Variants in DNMT3A observed in about 807,000 individuals in gnomAD.
The protein encoded by DNMT3A is DNA methyltransferase 3 alpha.
A neutral mutation model predicts 117.6 loss-of-function variants in DNMT3A; 267 were observed. The ratio of observed to expected loss-of-function variants is 2.27; its 90% CI spans 2.05 to 2.51. The LOEUF (loss-of-function observed/expected upper bound fraction) is 2.51. DNMT3A is among the 30% of genes most tolerant of loss of function. The probability of loss-of-function intolerance (pLI) is 0.00; values close to 1 mark genes in which losing one functional copy is unlikely to be tolerated. For synonymous variants in DNMT3A, 432 were observed against 474.8 expected (o/e 0.91, Z 1.17); for missense variants, 1,029 against 1,260.2 (o/e 0.82, Z 2.78).
chr2:25,282,803 G>A lies in DNMT3A; in HGVS notation c.178-92C>T. On this transcript the variant is annotated intron_variant, in intron 3 of 22. Transcript: ENST00000321117. The surrounding 1 kb of genome is among the most constrained non-coding windows in gnomAD (Gnocchi z 5.2). The stretch of plus-strand genomic sequence containing the variant: ...TGACCGCTCTGAAATTCTAGAGAAT[G>A]TTATGCACTTTCTGTCCAGAAACTG... 3 of 1,410,118 alleles carry A rather than the reference G, an allele frequency of 2.1e-6. No individual in the cohort carries two copies. The highest frequency in any genetic ancestry group is 2.8e-6 in the Non-Finnish European group (3 of 1,058,744). The allele number at this position is 1,410,118 out of a possible 1,614,324, so 87.4% of individuals were successfully genotyped here.
chr2:25,236,244 T>C lies in DNMT3A; in HGVS notation c.2479-419A>G, dbSNP rs1419648423. Among the ~76,000 whole-genome samples, 5 of 152,154 alleles carry C rather than the reference T, an allele frequency of 3.3e-5. No homozygotes were observed. The highest frequency in any genetic ancestry group is 1.2e-4 in the African/African-American group (5 of 41,434). On this transcript the variant is annotated intron_variant, in intron 21 of 22. Transcript: ENST00000321117. This position sits in a 1 kb window ranked among gnomAD's most constrained non-coding sequence, Gnocchi z 4.5. ...CCATGCCTGGCTAATTTTTATATTTTTAGTCAGACAGGGTTTCACCGTGTC... is the reference window on the plus strand; with the variant it reads ...CCATGCCTGGCTAATTTTTATATTTCTAGTCAGACAGGGTTTCACCGTGTC...
intron 3 of DNMT3A, among the ~76,000 whole-genome samples, chr2:25,291,502 T>C (rs990997845): frequency 1.3e-5 from 2 of 152,198 alleles, no homozygotes; most frequent in Non-Finnish European, 2.9e-5. Context: ...GCTCCAACGC[T>C]ATGGAGCTAG....
intron 10 of DNMT3A, 107 bp downstream of exon 10, chr2:25,246,513 C>A (rs1674792137): frequency 6.7e-7 from 1 of 1,494,716 alleles, no homozygotes; most frequent in South Asian, 1.4e-5. Context: ...TCCCACTGGG[C>A]CCCTCTGTGG....
chr2:25,300,271 C>G (rs2033353651), intron 2 of DNMT3A, 28 bp from the exon 3 acceptor site: 1 of 1,599,640 alleles, frequency 6.3e-7, no homozygotes, highest in Non-Finnish European at 8.5e-7. Context: ...GCCTGTGAGG[C>G]CAGAGGTGGA....
intron 6 of DNMT3A, chr2:25,249,849 G>A (rs1259294988): frequency 1.8e-6 from 2 of 1,114,750 alleles, no homozygotes; most frequent in African/African-American, 3.1e-5. Context: ...AGATTTAGAG[G>A]GGAGAAAACC....
rs70947875 is a variant in DNMT3A at position 25,272,977 on chromosome 2, A to ATTTTTTTTTTTTT, written c.639+1951_639+1963dup. ...CCACCACACCTGGCTAATTGTTTGT[A>ATTTTTTTTTTTTT]TTTTTTTTTTTTTTGAGACAGAGTT... On this transcript the variant is annotated intron_variant, in intron 6 of 22. Transcript: ENST00000321117. 2.1e-3 allele frequency among the ~76,000 whole-genome samples: 221 copies of ATTTTTTTTTTTTT among 106,466 alleles called. 22 individuals are homozygous for ATTTTTTTTTTTTT. Among genetic ancestry groups the ATTTTTTTTTTTTT allele is most frequent in the African/African-American group, 8.0e-3 (187 of 23,348 alleles). 69.8% of individuals were successfully genotyped at this position (106,466 alleles called of 152,430 possible). A position where few individuals can be genotyped will look rare whatever the true frequency, so the allele number is the denominator to read the frequency against.
chr2:25,275,410 G>GGCCCCCCCCCCCCCCCCCCC, intron 5 of DNMT3A, 90 bp downstream of exon 5: 2 of 1,451,154 alleles, frequency 1.4e-6, no homozygotes, highest in Non-Finnish European at 9.4e-7. Context: ...AGGAGGAGGG[G>GGCCCCCCCCCCCCCCCCCCC]CCCACCCTCC....
At chr2:25,316,347 C>A (rs946407650) in intron 1 of DNMT3A, among the ~76,000 whole-genome samples, 4 of 152,198 alleles carry the variant, frequency 2.6e-5, no homozygotes, top group Non-Finnish European at 4.4e-5. Flanking sequence ...AAGGAAGATT[C>A]TCTTCCTCCT....
intron 1 of DNMT3A, among the ~76,000 whole-genome samples, chr2:25,318,018 AGCCACCGCGCCG>A (rs1433712660): frequency 6.6e-6 from 1 of 152,162 alleles, no homozygotes. Flanking sequence ...TACAGGCATG[AGCCACCGCGCCG>A]GCCGGGAAGG....
chr2:25,289,555 TC>T (rs926698832), intron 3 of DNMT3A, among the ~76,000 whole-genome samples: 1 of 152,144 alleles, frequency 6.6e-6, no homozygotes, highest in African/African-American at 2.4e-5. Context: ...CTGCCTTGGG[TC>T]ACACGCCTCT....
chr2:25,275,121 G>A, intron 5 of DNMT3A, 34 bp from the exon 6 acceptor site: 1 of 1,534,734 alleles, frequency 6.5e-7, no homozygotes, highest in Non-Finnish European at 8.8e-7. Context: ...GGGCATTAGG[G>A]TGGGCACTGA....
At chr2:25,318,268 C>A (rs2034459079) in intron 1 of DNMT3A, among the ~76,000 whole-genome samples, 1 of 152,110 alleles carries the variant, frequency 6.6e-6, no homozygotes, top group Non-Finnish European at 1.5e-5. Flanking sequence ...CTCAGAGCTT[C>A]CGATCAGTTG....
intron 4 of DNMT3A, among the ~76,000 whole-genome samples, chr2:25,279,214 G>A (rs1312838760): frequency 4.6e-5 from 7 of 152,122 alleles, no homozygotes; most frequent in Non-Finnish European, 1.0e-4. Flanking sequence ...ATCATCTCCC[G>A]TCTTCCTGAT....
chr2:25,336,615 T>G (rs1043050065), intron 1 of DNMT3A, among the ~76,000 whole-genome samples: 8 of 151,898 alleles, frequency 5.3e-5, no homozygotes, highest in African/African-American at 1.9e-4. Flanking sequence ...ATTTGGCCCC[T>G]TCCCCTCCCT....
At chr2:25,284,080 G>A (rs2032095818) in intron 3 of DNMT3A, among the ~76,000 whole-genome samples, 1 of 152,192 alleles carries the variant, frequency 6.6e-6, no homozygotes, top group Non-Finnish European at 1.5e-5. Context: ...ACAGGAACAG[G>A]CAGGGGTCCC....
In DNMT3A at chr2:25,254,841, T is replaced by G. The variant is rs554137703; in HGVS notation, c.640-6589A>C. On this transcript the variant is annotated intron_variant, in intron 6 of 22. Coordinates refer to ENST00000321117, the MANE Select transcript of DNMT3A (RefSeq NM_022552.5). The surrounding 1 kb of genome is among the most constrained non-coding windows in gnomAD (Gnocchi z 4.7). ...ACCTTAGACTCCACATTCTGTGGTC[T>G]TGGGACATAAGACTGCAATGATGCC... Among the ~76,000 whole-genome samples the G allele has an allele frequency of 2.6e-5, 4 of 152,350 alleles. No homozygotes were observed. The highest frequency in any genetic ancestry group is 9.6e-5 in the African/African-American group (4 of 41,582).
chr2:25,277,990 C>T (rs781751971), intron 4 of DNMT3A, among the ~76,000 whole-genome samples: 7 of 147,306 alleles, frequency 4.8e-5, no homozygotes, highest in Non-Finnish European at 7.4e-5. Flanking sequence ...TGCGCATGCC[C>T]ACTTGAGTGA....
rs189191354 is a variant in DNMT3A at position 25,302,162 on chromosome 2, A to C, written c.73-1919T>G. ...CTTAGCATAGGTGGTGGCCACAGTC[A>C]AGCTGGAGAGAGGCAGAGCTCACAC... is the stretch of plus-strand genomic sequence containing the variant. On this transcript the variant is annotated intron_variant, in intron 2 of 22. Coordinates refer to ENST00000321117, the MANE Select transcript of DNMT3A (RefSeq NM_022552.5). 4.6e-5 allele frequency among the ~76,000 whole-genome samples: 7 copies of C among 152,246 alleles called. No individual in the cohort carries two copies. The East Asian group carries it at 1.4e-3, about 30-fold the overall frequency.
intron 9 of DNMT3A, 106 bp downstream of exon 9, chr2:25,246,945 C>T (rs1191300297): frequency 1.4e-5 from 21 of 1,466,618 alleles, no homozygotes; most frequent in South Asian, 1.1e-4. Flanking sequence ...AGAAAGGAGT[C>T]GCTGCCTCCT....
Sources: allele counts gnomAD v4.1 joint callset (sites outside exome capture counted in the v4.1 genomes callset), GRCh38; gene constraint gnomAD v4.1.1; non-coding constraint Gnocchi (gnomAD v3.1); transcripts MANE v1.5; gene names NCBI Gene and HGNC (gene_info 2026-07-23, HGNC 2026-07-21).